Variants in AUTS2 observed in about 807,000 individuals in gnomAD.
AUTS2 encodes the protein activator of transcription and developmental regulator AUTS2.
Under a neutral mutation model 112.4 loss-of-function variants are expected in AUTS2, and 17 were observed. That is an observed-to-expected ratio of 0.15 (90% CI 0.10 to 0.23). The LOEUF is 0.23. Ranked by LOEUF, AUTS2 falls within the 10% of genes least tolerant of loss-of-function variation. The pLI, the probability that AUTS2 is intolerant of heterozygous loss-of-function variation, is 1.00. For synonymous variants in AUTS2, 751 were observed against 702.7 expected (o/e 1.07, Z -1.09); for missense variants, 1,510 against 1,701.6 (o/e 0.89, Z 1.98).
chr7:69,684,693 T>G (rs1193359599), intron 1 of AUTS2, among the ~76,000 whole-genome samples: 1 of 152,206 alleles, frequency 6.6e-6, no homozygotes, highest in Non-Finnish European at 1.5e-5. Flanking sequence ...AGTAAATATT[T>G]AATGCTTTTA....
intron 1 of AUTS2, among the ~76,000 whole-genome samples, chr7:69,654,019 G>C (rs909218505): frequency 2.0e-5 from 3 of 152,206 alleles, no homozygotes; most frequent in African/African-American, 7.2e-5. Flanking sequence ...TAAAACTTCT[G>C]TATTCTGTGC....
intron 5 of AUTS2, among the ~76,000 whole-genome samples, chr7:70,473,790 G>A (rs1019690642): frequency 2.8e-4 from 42 of 150,894 alleles, no homozygotes; most frequent in African/African-American, 9.8e-4. Context: ...CTTAACAAGT[G>A]AGAGCATCAA....
At chr7:70,710,194 T>C (rs1414531773) in intron 6 of AUTS2, among the ~76,000 whole-genome samples, 1 of 146,026 alleles carries the variant, frequency 6.8e-6, no homozygotes, top group Non-Finnish European at 1.5e-5. Flanking sequence ...GACTGTCATT[T>C]GGACCACTTC....
intron 4 of AUTS2, among the ~76,000 whole-genome samples, chr7:70,205,683 T>A (rs1191092911): frequency 1.3e-5 from 2 of 152,194 alleles, no homozygotes; most frequent in Non-Finnish European, 2.9e-5. Context: ...CTATGAAGTT[T>A]GCACAGCAAC....
chr7:70,154,008 A>G (rs1807601408), intron 4 of AUTS2, among the ~76,000 whole-genome samples: 1 of 152,202 alleles, frequency 6.6e-6, no homozygotes, highest in Admixed American at 6.5e-5. Flanking sequence ...GTTAATGGTA[A>G]TTGCACAGAT....
intron 1 of AUTS2, among the ~76,000 whole-genome samples, chr7:69,887,797 A>T (rs909054454): frequency 6.6e-6 from 1 of 152,228 alleles, no homozygotes; most frequent in Admixed American, 6.5e-5. Flanking sequence ...ACTGAGATCC[A>T]GTAAATTATA....
At chr7:69,998,455 A>C (rs892872564) in intron 2 of AUTS2, among the ~76,000 whole-genome samples, 8 of 152,182 alleles carry the variant, frequency 5.3e-5, no homozygotes, top group Non-Finnish European at 1.2e-4. Context: ...ATATGGGCCC[A>C]AAAATTTTCC....
intron 4 of AUTS2, among the ~76,000 whole-genome samples, chr7:70,354,365 A>G (rs1385212814): frequency 6.6e-6 from 1 of 152,240 alleles, no homozygotes; most frequent in Non-Finnish European, 1.5e-5. Flanking sequence ...GTAGGAGATC[A>G]CAACTCTTTC....
At chr7:70,475,935 G>A (rs1797565830) in intron 5 of AUTS2, among the ~76,000 whole-genome samples, 1 of 152,098 alleles carries the variant, frequency 6.6e-6, no homozygotes, top group Admixed American at 6.6e-5. Flanking sequence ...AGGCTCAGGT[G>A]GGAAGACTGT....
At chr7:69,892,145 G>T (rs1718791597) in intron 1 of AUTS2, among the ~76,000 whole-genome samples, 1 of 146,522 alleles carries the variant, frequency 6.8e-6, no homozygotes. Context: ...AAAAAATTGG[G>T]TTGTTTCCTT....
chr7:70,766,927 A>G lies in AUTS2; in HGVS notation c.1689+593A>G, dbSNP rs1283681090. Among the ~76,000 whole-genome samples, 1 of 152,198 alleles carries G rather than the reference A, an allele frequency of 6.6e-6. No homozygotes were observed. The highest frequency in any genetic ancestry group is 2.4e-5 in the African/African-American group (1 of 41,434). ...GTTCAGGGATCCCCGCAGGGACAGA[A>G]CGCTCTGCCTTGGGGCAAGAGGAAC... is the stretch of plus-strand genomic sequence containing the variant. On this transcript the variant is annotated intron_variant, in intron 9 of 18. Coordinates refer to ENST00000342771, the MANE Select transcript of AUTS2 (RefSeq NM_015570.4). This position sits in a 1 kb window ranked among gnomAD's most constrained non-coding sequence, Gnocchi z 4.8.
Position 69,649,678 on chromosome 7 carries a change from C to G in AUTS2, c.309+49716C>G, listed in dbSNP as rs532409560. 3.4e-3 allele frequency among the ~76,000 whole-genome samples: 518 copies of G among 151,972 alleles called. 3 individuals are homozygous for G. Among genetic ancestry groups the G allele is most frequent in the Middle Eastern group, 0.014 (4 of 294 alleles). ...TGAATTATGTTTTGATGCCATAGGGCTGTCTAGTGGAGGATACAAACATTA... is the reference window on the plus strand; with the variant it reads ...TGAATTATGTTTTGATGCCATAGGGGTGTCTAGTGGAGGATACAAACATTA... On this transcript the variant is annotated intron_variant, in intron 1 of 18. Transcript: ENST00000342771.
At chr7:70,642,496 C>T (rs1189523107) in intron 5 of AUTS2, among the ~76,000 whole-genome samples, 3 of 152,084 alleles carry the variant, frequency 2.0e-5, no homozygotes, top group Admixed American at 6.6e-5. Context: ...GTACCATTTC[C>T]TAGAGTTTGC....
chr7:70,261,898 G>A (rs373085008), intron 4 of AUTS2, among the ~76,000 whole-genome samples: 2 of 151,998 alleles, frequency 1.3e-5, no homozygotes, highest in East Asian at 1.9e-4. Flanking sequence ...TCTTTATATT[G>A]TCTATTTGGC....
At chr7:69,775,682 C>T (rs770336730) in intron 1 of AUTS2, among the ~76,000 whole-genome samples, 32 of 152,120 alleles carry the variant, frequency 2.1e-4, no homozygotes, top group Non-Finnish European at 4.3e-4. Flanking sequence ...AGATCATTTT[C>T]CTATAGCAGT....
chr7:70,689,590 C>T (rs1003931368), intron 5 of AUTS2, among the ~76,000 whole-genome samples: 4 of 151,858 alleles, frequency 2.6e-5, no homozygotes, highest in Admixed American at 6.6e-5. Flanking sequence ...TCCTGGCTAA[C>T]ACAGTGAAAC....
At chr7:70,297,586 CA>C (rs1025401240) in intron 4 of AUTS2, among the ~76,000 whole-genome samples, 1 of 151,854 alleles carries the variant, frequency 6.6e-6, no homozygotes, top group Non-Finnish European at 1.5e-5. Flanking sequence ...CCTGCCACCA[CA>C]CCCGGGTAAT....
chr7:70,385,102 C>T (rs1793550188), intron 4 of AUTS2, among the ~76,000 whole-genome samples: 1 of 152,192 alleles, frequency 6.6e-6, no homozygotes, highest in East Asian at 1.9e-4. Flanking sequence ...ACACTTGCTC[C>T]ATGACTCATG....
chr7:70,464,066 C>A (rs536321426), intron 5 of AUTS2, among the ~76,000 whole-genome samples: 2 of 152,274 alleles, frequency 1.3e-5, no homozygotes, highest in East Asian at 3.9e-4. Context: ...GAAAGGGGGG[C>A]CTGTTAATCT....
Sources: allele counts gnomAD v4.1 joint callset (sites outside exome capture counted in the v4.1 genomes callset), GRCh38; gene constraint gnomAD v4.1.1; non-coding constraint Gnocchi (gnomAD v3.1); transcripts MANE v1.5; gene names NCBI Gene and HGNC (gene_info 2026-07-23, HGNC 2026-07-21).